DMBT1: variants seen among roughly 807,000 people sequenced by gnomAD.
DMBT1 encodes the protein scavenger receptor cysteine-rich domain-containing protein DMBT1.
Under a neutral mutation model 252.9 loss-of-function variants are expected in DMBT1, and 198 were observed. That is an observed-to-expected ratio of 0.78 (90% CI 0.70 to 0.88). The LOEUF (loss-of-function observed/expected upper bound fraction) is 0.88. DMBT1 is among the 40% of genes least tolerant of loss of function. The probability of loss-of-function intolerance (pLI) is 0.00; values close to 1 mark genes in which losing one functional copy is unlikely to be tolerated. For missense variants in DMBT1, 2,432 were observed against 2,404.7 expected (o/e 1.01, Z -0.24); for synonymous variants, 990 against 942.7 (o/e 1.05, Z -0.92).
At chr10:122,637,410 T>C (rs909485850) in intron 54 of DMBT1, 98 bp downstream of exon 54, 8 of 1,329,510 alleles carry the variant, frequency 6.0e-6, no homozygotes, top group Non-Finnish European at 8.1e-6. Context: ...GAAATTATGA[T>C]TTTGGGATAA....
intron 26 of DMBT1, among the ~76,000 whole-genome samples, chr10:122,599,352 G>A (rs762609332): frequency 1.1e-4 from 17 of 152,202 alleles, no homozygotes; most frequent in Non-Finnish European, 2.5e-4. Flanking sequence ...AGGCAGAAGA[G>A]AAAAGTGCTG....
chr10:122,592,997 G>A (rs1424520129), intron 20 of DMBT1, among the ~76,000 whole-genome samples: 4 of 148,794 alleles, frequency 2.7e-5, no homozygotes, highest in Admixed American at 1.3e-4. Context: ...ATGCTTGTCT[G>A]AAAGTGAGTT....
Position 122,643,516 on chromosome 10 carries a change from G to C in DMBT1, c.*118G>C. 1 of 1,374,130 alleles carries C rather than the reference G, an allele frequency of 7.3e-7. No individual in the cohort carries two copies. 85.1% of individuals were successfully genotyped at this position (1,374,130 alleles called of 1,614,324 possible). On this transcript the variant is annotated 3_prime_UTR_variant, in exon 56 of 56. Coordinates refer to ENST00000338354, the MANE Select transcript of DMBT1 (RefSeq NM_001377530.1). ...TTGAGCCCTACATTGTGCTGCACCT[G>C]GTCATACGGAGTTGAATCAGACCTG...
At chr10:122,632,038 C>A (rs2098169399) in intron 50 of DMBT1, among the ~76,000 whole-genome samples, 163 bp downstream of exon 50, 1 of 152,084 alleles carries the variant, frequency 6.6e-6, no homozygotes, top group African/African-American at 2.4e-5. Flanking sequence ...GGATAGTGTG[C>A]CCCTCTCTGT....
chr10:122,643,081 C>T (rs751906340), intron 55 of DMBT1, 41 bp from the exon 56 acceptor site: 2 of 1,595,192 alleles, frequency 1.3e-6, no homozygotes, highest in Non-Finnish European at 1.7e-6. Context: ...AAGGAAGAAT[C>T]GGGCCTTGGT....
chr10:122,568,861 A>G (rs894550601), intron 2 of DMBT1, among the ~76,000 whole-genome samples: 1 of 152,216 alleles, frequency 6.6e-6, no homozygotes, highest in Non-Finnish European at 1.5e-5. Context: ...CGGATGGTAC[A>G]ACCACGAATG....
At position 122,573,605 on chromosome 10, in the gene DMBT1, CCCTTAGGA is replaced by C. The variant is rs2097685663; in HGVS notation, c.236-106_236-99del. ...GGTTGGCTTTTAGCAATGGATGGTG[CCCTTAGGA>C]CCTGTGCTTCCAGCCCTTGCTTCAG... is the stretch of plus-strand genomic sequence containing the variant. On this transcript the variant is annotated intron_variant, in intron 5 of 55. Transcript: ENST00000338354. 2.0e-5 allele frequency: 27 copies of C among 1,336,946 alleles called. No individual in the cohort carries two copies. In the South Asian group the frequency reaches 2.5e-4, roughly 13 times the overall value. The allele number at this position is 1,336,946 out of a possible 1,614,324, so 82.8% of individuals were successfully genotyped here. A position where few individuals can be genotyped will look rare whatever the true frequency, so the allele number is the denominator to read the frequency against.
chr10:122,629,976 G>A lies in DMBT1; in HGVS notation c.5805G>A (p.Leu1935=), dbSNP rs1417925276. 21 of 1,613,850 alleles carry A rather than the reference G, an allele frequency of 1.3e-5. No homozygotes were observed. The highest frequency in any genetic ancestry group is 1.6e-5 in the Non-Finnish European group (19 of 1,179,910). Residue 1935 remains leucine, a synonymous_variant, in exon 47 of 56, where the codon CTG becomes CTA. Coordinates refer to ENST00000338354, the MANE Select transcript of DMBT1 (RefSeq NM_001377530.1). The stretch of plus-strand genomic sequence containing the variant: ...TGAATTCTGGTTATCGCATAAACCT[G>A]GGCTTCAGTAATCTGAAGTAAGTAA... The part of the protein sequence containing the change: ...IEVNSGYRIN[L]GFSNLKLEAH...
At position 122,600,849 on chromosome 10, in the gene DMBT1, C is replaced by A. The variant is rs547490672; in HGVS notation, c.3311-142C>A. 8.4e-5 allele frequency: 86 copies of A among 1,022,442 alleles called. No homozygotes were observed. In the African/African-American group the frequency reaches 1.3e-3, roughly 16 times the overall value. The allele number at this position is 1,022,442 out of a possible 1,614,324, so 63.3% of individuals were successfully genotyped here. A position where few individuals can be genotyped will look rare whatever the true frequency, so the allele number is the denominator to read the frequency against. ...GTGGATGAGTTCACAGCAGAGGAGA[C>A]CTGGGAAGACACATGGGAAGCAAGT... On this transcript the variant is annotated intron_variant, in intron 27 of 55. Transcript: ENST00000338354.
intron 50 of DMBT1, 95 bp downstream of exon 50, chr10:122,631,970 G>C (rs1368752883): frequency 1.3e-5 from 18 of 1,405,888 alleles, no homozygotes; most frequent in Non-Finnish European, 1.6e-5. Context: ...CACTCTCCAA[G>C]GAGTTCATCT....
intron 5 of DMBT1, among the ~76,000 whole-genome samples, chr10:122,573,153 G>A (rs1245604099): frequency 6.6e-6 from 1 of 152,194 alleles, no homozygotes; most frequent in Non-Finnish European, 1.5e-5. Context: ...TGGAGTGTGG[G>A]CTGGACTGAG....
chr10:122,576,995 G>A (rs566593464), intron 7 of DMBT1, among the ~76,000 whole-genome samples: 4 of 152,350 alleles, frequency 2.6e-5, no homozygotes, highest in African/African-American at 7.2e-5. Context: ...TTTAGTTGGG[G>A]CAGTTGGCCT....
At chr10:122,601,071 A>G (rs2097950881) in intron 28 of DMBT1, 48 bp downstream of exon 28, 1 of 717,700 alleles carries the variant, frequency 1.4e-6, no homozygotes, top group Admixed American at 2.7e-5. Context: ...CTCTGGACAT[A>G]TTTTGTGTTT....
chr10:122,573,434 C>G (rs981542219), intron 5 of DMBT1, among the ~76,000 whole-genome samples: 5 of 152,168 alleles, frequency 3.3e-5, no homozygotes, highest in Non-Finnish European at 2.9e-5. Flanking sequence ...TTGTGACTAG[C>G]ATGGGGTTGT....
At position 122,560,815 on chromosome 10, in the gene DMBT1, A is replaced by T; in HGVS notation, c.45A>T (p.Gly15=). ...TVILEMCLLW[G]QVLSTGGWIP... ...TCCTTGAAATGTGTCTTTTATGGGG[A>T]CAAGTTCTATCTACAGGTATTACGT... is the stretch of plus-strand genomic sequence containing the variant. The change falls in exon 1 of 56, where the codon GGA becomes GGT. Residue 15 remains glycine (G), a synonymous_variant. Transcript: ENST00000338354. 6.4e-7 allele frequency: 1 copy of T among 1,572,008 alleles called. No individual in the cohort carries two copies. The highest frequency in any genetic ancestry group is 8.6e-7 in the Non-Finnish European group (1 of 1,156,628).
In DMBT1 at chr10:122,637,207, C is replaced by T. The variant is rs200885594; in HGVS notation, c.6837C>T (p.Asp2279=). Residue 2279 remains aspartate (D), a synonymous_variant, in exon 54 of 56, where the codon GAC becomes GAT. Transcript: ENST00000338354. ...YLQSLGFSAS[D]LVISTWNGYY... The stretch of plus-strand genomic sequence containing the variant: ...AATCCTTGGGCTTTTCTGCCAGTGA[C>T]CTTGTCATTTCCACCTGGAATGGAT... 658 of 1,614,006 alleles carry T rather than the reference C, an allele frequency of 4.1e-4. No individual in the cohort carries two copies. Among genetic ancestry groups the T allele is most frequent in the Non-Finnish European group, 4.8e-4 (562 of 1,179,898 alleles).
chr10:122,594,257 A>G (rs867195271), intron 21 of DMBT1, among the ~76,000 whole-genome samples: 2,042 of 130,562 alleles, frequency 0.016, 13 homozygotes, highest in African/African-American at 0.054. Flanking sequence ...GGCATCCTCT[A>G]ACAGATAGAA....
At chr10:122,625,395 C>G in intron 45 of DMBT1, 92 bp downstream of exon 45, 1 of 1,239,264 alleles carries the variant, frequency 8.1e-7, no homozygotes, top group Non-Finnish European at 1.2e-6. Context: ...GTAGACTCCC[C>G]CTGGGGGGGT....
chr10:122,600,504 C>A (rs147171490), intron 27 of DMBT1, among the ~76,000 whole-genome samples: 4 of 152,222 alleles, frequency 2.6e-5, no homozygotes, highest in Non-Finnish European at 5.9e-5. Context: ...CTGCTGGAAA[C>A]ATTCCGAGAT....
Sources: gnomAD v4.1 joint callset for allele counts (sites outside exome capture counted in the v4.1 genomes callset) on GRCh38, gnomAD v4.1.1 for gene constraint, MANE v1.5 for transcripts, NCBI Gene and HGNC (gene_info 2026-07-23, HGNC 2026-07-21) for gene names.